The following MTFR1L variants were observed in gnomAD, a reference collection of about 807,000 sequenced individuals.
MTFR1L encodes the protein mitochondrial fission regulator 1-like.
Under a neutral mutation model 27.9 loss-of-function variants are expected in MTFR1L, and 10 were observed. The ratio of observed to expected loss-of-function variants is 0.36; its 90% CI spans 0.22 to 0.61. The LOEUF is 0.61. Ranked by LOEUF, MTFR1L falls within the 20% of genes least tolerant of loss-of-function variation. The probability of loss-of-function intolerance (pLI) is 0.73; values close to 1 mark genes in which losing one functional copy is unlikely to be tolerated. For synonymous variants in MTFR1L, 151 were observed against 139.4 expected (o/e 1.08, Z -0.58); for missense variants, 315 against 363.7 (o/e 0.87, Z 1.09).
At position 25,826,834 on chromosome 1, in the gene MTFR1L, C is replaced by T. The variant is rs775680255; in HGVS notation, c.451+8C>T. On this transcript the variant is annotated splice_region_variant and intron_variant, in intron 5 of 6. Transcript: ENST00000374303. This position sits in a 1 kb window ranked among gnomAD's most constrained non-coding sequence, Gnocchi z 4.1. ...TAGTGGCAGCTGATGCAGGTAGGAG[C>T]CCCTGTGCCAGGGCCAGAACGTAAC... 15 of 1,613,138 alleles carry T rather than the reference C, an allele frequency of 9.3e-6. No individual in the cohort carries two copies. Among genetic ancestry groups the T allele is most frequent in the South Asian group, 1.1e-5 (1 of 91,028 alleles).
chr1:25,823,793 T>A, intron 3 of MTFR1L, 45 bp downstream of exon 3: 10 of 1,602,550 alleles, frequency 6.2e-6, no homozygotes, highest in Non-Finnish European at 8.5e-6. Context: ...CAGACAGTGC[T>A]GCTTCTGTGC....
chr1:25,821,209 CTG>C (rs1327133892), intron 1 of MTFR1L, among the ~76,000 whole-genome samples: 3 of 152,192 alleles, frequency 2.0e-5, no homozygotes, highest in Non-Finnish European at 2.9e-5. Context: ...ATGTGATTAA[CTG>C]TGTTTGGGAA....
Position 25,829,868 on chromosome 1 carries a change from C to CA in MTFR1L, c.773+39dup, listed in dbSNP as rs768196507. 2.6e-6 allele frequency: 4 copies of CA among 1,528,350 alleles called. No individual in the cohort carries two copies. In the East Asian group the frequency reaches 6.9e-5, roughly 26 times the overall value. The allele number at this position is 1,528,350 out of a possible 1,614,324, so 94.7% of individuals were successfully genotyped here. A position where few individuals can be genotyped will look rare whatever the true frequency, so the allele number is the denominator to read the frequency against. ...TGAGGAGCTCTGGTATCTATTTACT[C>CA]AGAGTTGCCCATGGCCAATTATGTA... On this transcript the variant is annotated intron_variant, in intron 6 of 6. Coordinates refer to ENST00000374303, the MANE Select transcript of MTFR1L (RefSeq NM_001099625.2).
chr1:25,830,833 G>A (rs141645995), intron 6 of MTFR1L, among the ~76,000 whole-genome samples: 1 of 152,224 alleles, frequency 6.6e-6, no homozygotes, highest in East Asian at 1.9e-4. Flanking sequence ...ATTGCTTCCT[G>A]GCAGTTGACC....
chr1:25,832,389 T>A lies in MTFR1L; in HGVS notation c.*363T>A, dbSNP rs2048257140. ...CCCTATAGCTGGTCTCACAAGACAC[T>A]TTGTGCCCAGCTGTCACTCACTCAG... On this transcript the variant is annotated 3_prime_UTR_variant, in exon 7 of 7. Coordinates refer to ENST00000374303, the MANE Select transcript of MTFR1L (RefSeq NM_001099625.2). The A allele has an allele frequency of 8.1e-6, 4 of 492,488 alleles. No individual in the cohort carries two copies. The South Asian group carries it at 9.0e-5, about 11-fold the overall frequency. The allele number at this position is 492,488 out of a possible 1,614,324, so 30.5% of individuals were successfully genotyped here.
intron 1 of MTFR1L, chr1:25,820,404 C>A: frequency 2.2e-6 from 1 of 450,442 alleles, no homozygotes; most frequent in South Asian, 1.6e-5. Flanking sequence ...ACTTGGCCGA[C>A]CTTGGCCCAG....
At chr1:25,820,448 G>C (rs2048071945) in intron 1 of MTFR1L, 1 of 395,968 alleles carries the variant, frequency 2.5e-6, no homozygotes, top group Non-Finnish European at 4.9e-6. Flanking sequence ...GGGGCGACTC[G>C]CCCTGGCGGG....
chr1:25,823,108 T>G lies in MTFR1L; in HGVS notation c.4T>G (p.Ser2Ala). Reference protein sequence around the residue: MSGMEATVTIPI... With the variant: MAGMEATVTIPI... ...TCAAGTGCAGGAGCTGGTTCAAATG[T>G]CAGGAATGGAAGCCACTGTGGTAAG... Residue 2 changes from serine (S) to alanine (A), a missense_variant, in exon 2 of 7, where the codon TCA (serine) becomes GCA (alanine). Coordinates refer to ENST00000374303, the MANE Select transcript of MTFR1L (RefSeq NM_001099625.2). The G allele has an allele frequency of 1.2e-6, 2 of 1,614,130 alleles. No individual in the cohort carries two copies. The highest frequency in any genetic ancestry group is 1.7e-6 in the Non-Finnish European group (2 of 1,180,022).
chr1:25,831,793 G>GTGAA (rs1240003481), intron 6 of MTFR1L, 128 bp from the exon 7 acceptor site: 3 of 857,540 alleles, frequency 3.5e-6, no homozygotes, highest in Non-Finnish European at 5.7e-6. Context: ...TTCCTTATCT[G>GTGAA]TGAAAGGGAA....
intron 3 of MTFR1L, 140 bp downstream of exon 3, chr1:25,823,888 A>G (rs1469309485): frequency 9.7e-6 from 11 of 1,137,238 alleles, no homozygotes; most frequent in Non-Finnish European, 1.3e-5. Context: ...TGCTTATAAG[A>G]TATCCTGGTC....
At position 25,832,470 on chromosome 1, in the gene MTFR1L, C is replaced by G. The variant is rs1254950612; in HGVS notation, c.*444C>G. On this transcript the variant is annotated 3_prime_UTR_variant, in exon 7 of 7. Coordinates refer to ENST00000374303, the MANE Select transcript of MTFR1L (RefSeq NM_001099625.2). Reference sequence around the variant, plus strand: ...GGAAGGGGCTATGAATGTTTGTATACATGTTCACAGGGCACGGAAAATCTT... The same window carrying G: ...GGAAGGGGCTATGAATGTTTGTATAGATGTTCACAGGGCACGGAAAATCTT... 4.7e-5 allele frequency: 18 copies of G among 379,900 alleles called. No homozygotes were observed. The highest frequency in any genetic ancestry group is 3.9e-4 in the South Asian group (13 of 33,170). 23.5% of individuals were successfully genotyped at this position (379,900 alleles called of 1,614,324 possible).
chr1:25,831,849 G>C, intron 6 of MTFR1L, 72 bp from the exon 7 acceptor site: 1 of 1,218,692 alleles, frequency 8.2e-7, no homozygotes, highest in Non-Finnish European at 1.2e-6. Flanking sequence ...GATTCAACGA[G>C]ATAATGTATT....
In MTFR1L at chr1:25,823,712, C is replaced by T. The variant is rs1440451760; in HGVS notation, c.93C>T (p.Asn31=). The part of the protein sequence containing the change: ...ARSVVRRIGT[N]LPLKPCARAS... ...GTGTAGTAAGAAGAATTGGGACCAACCTACCCTTGAAGCCGTGTGCCCGGG... is the reference window on the plus strand; with the variant it reads ...GTGTAGTAAGAAGAATTGGGACCAATCTACCCTTGAAGCCGTGTGCCCGGG... The change falls in exon 3 of 7, where the codon AAC becomes AAT. Residue 31 remains asparagine (N), a synonymous_variant. Coordinates refer to ENST00000374303, the MANE Select transcript of MTFR1L (RefSeq NM_001099625.2). 1.2e-6 allele frequency: 2 copies of T among 1,614,112 alleles called. No homozygotes were observed. Among genetic ancestry groups the T allele is most frequent in the Non-Finnish European group, 8.5e-7 (1 of 1,180,006 alleles).
chr1:25,823,567 A>T, intron 2 of MTFR1L, 77 bp from the exon 3 acceptor site: 1 of 1,562,066 alleles, frequency 6.4e-7, no homozygotes, highest in Non-Finnish European at 8.7e-7. Flanking sequence ...GTCTCCACAA[A>T]CCTAGAGAGG....
intron 6 of MTFR1L, among the ~76,000 whole-genome samples, chr1:25,830,241 C>T (rs111801136): frequency 2.6e-5 from 4 of 152,298 alleles, no homozygotes; most frequent in African/African-American, 9.6e-5. Flanking sequence ...AGGAGAATTT[C>T]ATAAAGTTGG....
chr1:25,831,823 G>C (rs536600405), intron 6 of MTFR1L, 98 bp from the exon 7 acceptor site: 1 of 1,042,016 alleles, frequency 9.6e-7, no homozygotes, highest in Non-Finnish European at 1.5e-6. Context: ...CACCTACCTC[G>C]TAAGATTGTT....
Position 25,832,473 on chromosome 1 carries a change from G to C in MTFR1L, c.*447G>C. ...AGGGGCTATGAATGTTTGTATACAT[G>C]TTCACAGGGCACGGAAAATCTTATG... is the stretch of plus-strand genomic sequence containing the variant. On this transcript the variant is annotated 3_prime_UTR_variant, in exon 7 of 7. Coordinates refer to ENST00000374303, the MANE Select transcript of MTFR1L (RefSeq NM_001099625.2). The C allele has an allele frequency of 3.0e-6, 1 of 334,198 alleles. No homozygotes were observed. Among genetic ancestry groups the C allele is most frequent in the South Asian group, 3.7e-5 (1 of 27,332 alleles). 20.7% of individuals were successfully genotyped at this position (334,198 alleles called of 1,614,324 possible). A position where few individuals can be genotyped will look rare whatever the true frequency, so the allele number is the denominator to read the frequency against.
intron 3 of MTFR1L, among the ~76,000 whole-genome samples, chr1:25,825,093 T>G (rs1316256814): frequency 1.3e-5 from 2 of 152,198 alleles, no homozygotes; most frequent in African/African-American, 4.8e-5. Flanking sequence ...CACTAGTTCC[T>G]GGGTCACTGG....
Position 25,826,787 on chromosome 1 carries a change from T to C in MTFR1L, c.412T>C (p.Leu138=), listed in dbSNP as rs1253401038. The C allele has an allele frequency of 1.9e-6, 3 of 1,614,064 alleles. No homozygotes were observed. The highest frequency in any genetic ancestry group is 2.5e-6 in the Non-Finnish European group (3 of 1,180,048). ...TGAGCTGCAGGACGAGCTGAGCCACTTGCGCAGCCAGATTGCAAAGATAGT... is the reference window on the plus strand; with the variant it reads ...TGAGCTGCAGGACGAGCTGAGCCACCTGCGCAGCCAGATTGCAAAGATAGT... ...TTELQDELSH[L]RSQIAKIVAA... The change falls in exon 5 of 7, where the codon TTG becomes CTG. Residue 138 remains leucine, a synonymous_variant. Coordinates refer to ENST00000374303, the MANE Select transcript of MTFR1L (RefSeq NM_001099625.2). The surrounding 1 kb of genome is among the most constrained non-coding windows in gnomAD (Gnocchi z 4.1).
Sources: gnomAD v4.1 joint callset for allele counts (sites outside exome capture counted in the v4.1 genomes callset) on GRCh38, gnomAD v4.1.1 for gene constraint, Gnocchi (gnomAD v3.1) non-coding constraint, MANE v1.5 for transcripts, NCBI Gene and HGNC (gene_info 2026-07-23, HGNC 2026-07-21) for gene names.